The following USH2A variants were observed in gnomAD, a reference collection of about 807,000 sequenced individuals.
The protein encoded by USH2A is Usher syndrome 2A (autosomal recessive, mild).
In USH2A, 443 loss-of-function variants were observed where a neutral mutation model predicts 538.9. The ratio of observed to expected loss-of-function variants is 0.82; its 90% confidence interval spans 0.76 to 0.89. USH2A has a LOEUF of 0.89. USH2A is among the 40% of genes least tolerant of loss of function. The pLI is 0.00. For synonymous variants in USH2A, 2,413 were observed against 2,273.5 expected, an observed-to-expected ratio of 1.06 and a Z score of -1.75; for missense variants, 6,633 against 6,324.8, an observed-to-expected ratio of 1.05 and a Z score of -1.65.
chr1:216,123,296 AGTT>A (rs2033173281), intron 21 of USH2A, among the ~76,000 whole-genome samples: 1 of 152,236 alleles, frequency 6.6e-6, no homozygotes, highest in Admixed American at 6.5e-5. Flanking sequence ...GTAAAGAGTA[AGTT>A]GTTGTTTAAA....
Position 216,046,577 on chromosome 1 carries a change from T to G in USH2A, c.6179A>C (p.Gln2060Pro). Residue 2060 changes from glutamine to proline, a missense_variant, in exon 32 of 72, where the codon CAG (glutamine) becomes CCG (proline). Physicochemically the swap from Gln to Pro is moderately conservative, Grantham distance 76 (BLOSUM62 -1). Transcript: ENST00000307340. ...STPQEAPQEV[Q>P]PPVAKSLPSS... ...GGGAAGGGATTTGGCTACTGGTGGCTGAACCTCTTGTGGGGCTGTGGAAGA... is the reference window on the plus strand; with the variant it reads ...GGGAAGGGATTTGGCTACTGGTGGCGGAACCTCTTGTGGGGCTGTGGAAGA... 6.2e-7 allele frequency: 1 copy of G among 1,613,854 alleles called. No individual in the cohort carries two copies. Among genetic ancestry groups the G allele is most frequent in the Non-Finnish European group, 8.5e-7 (1 of 1,179,756 alleles).
At position 216,097,068 on chromosome 1, in the gene USH2A, T is replaced by C. The variant is rs545979277; in HGVS notation, c.4758+15A>G. ...AAATTCTTAAAAATATTAAAGTTTATGATTTCTCATTTACCTGAGGATCAA... is the reference window on the plus strand; with the variant it reads ...AAATTCTTAAAAATATTAAAGTTTACGATTTCTCATTTACCTGAGGATCAA... On this transcript the variant is annotated intron_variant, in intron 22 of 71. Transcript: ENST00000307340. The C allele has an allele frequency of 6.5e-5, 105 of 1,610,754 alleles. 1 individual carries two copies. The South Asian group carries it at 9.4e-4, about 14-fold the overall frequency.
intron 32 of USH2A, among the ~76,000 whole-genome samples, chr1:216,028,751 A>C (rs959412006): frequency 6.6e-6 from 1 of 152,126 alleles, no homozygotes; most frequent in African/African-American, 2.4e-5. Context: ...ATATCATTTT[A>C]AATAATGCAT....
intron 21 of USH2A, among the ~76,000 whole-genome samples, chr1:216,130,024 G>T (rs894494363): frequency 6.6e-6 from 1 of 151,996 alleles, no homozygotes; most frequent in Admixed American, 6.6e-5. Flanking sequence ...AATAAAACTA[G>T]AATGCTATCT....
At chr1:215,935,821 A>C (rs1398816618) in intron 37 of USH2A, among the ~76,000 whole-genome samples, 1 of 151,982 alleles carries the variant, frequency 6.6e-6, no homozygotes, top group African/African-American at 2.4e-5. Flanking sequence ...AGAAAAATGA[A>C]TGATTAAGAG....
Position 216,246,585 on chromosome 1 carries a change from C to T in USH2A, c.2809G>A (p.Gly937Ser). ...QGRRCNQCQP[G>S]FYISPGNATG... ...AAAATGTAATACATTTCTTTCTTAC[C>T]TGGTTGACACTGATTACACCTTCTT... The change falls in exon 13 of 72, where the codon GGT becomes AGT. Residue 937 changes from glycine to serine, a missense_variant and splice_region_variant. By Grantham distance (56) the Gly-to-Ser change is moderately conservative. Coordinates refer to ENST00000307340, the MANE Select transcript of USH2A (RefSeq NM_206933.4). 6.2e-7 allele frequency: 1 copy of T among 1,613,952 alleles called. No individual in the cohort carries two copies.
At chr1:215,710,581 G>T (rs1253907694) in intron 61 of USH2A, among the ~76,000 whole-genome samples, 1 of 152,068 alleles carries the variant, frequency 6.6e-6, no homozygotes, top group Non-Finnish European at 1.5e-5. Context: ...AAAGGAAAGG[G>T]TCCTACGGCT....
intron 3 of USH2A, among the ~76,000 whole-genome samples, chr1:216,409,788 G>A (rs1048973460): frequency 6.6e-6 from 1 of 152,074 alleles, no homozygotes; most frequent in Admixed American, 6.6e-5. Flanking sequence ...AGACAATCTA[G>A]GCAATAGCAT....
intron 65 of USH2A, among the ~76,000 whole-genome samples, chr1:215,649,658 CT>C (rs1355230379): frequency 3.9e-5 from 6 of 152,180 alleles, no homozygotes; most frequent in African/African-American, 1.4e-4. Flanking sequence ...TGTAAGTTAT[CT>C]GTTGAAATTG....
chr1:215,843,851 A>G (rs888830516), intron 46 of USH2A, among the ~76,000 whole-genome samples: 1 of 152,140 alleles, frequency 6.6e-6, no homozygotes, highest in African/African-American at 2.4e-5. Context: ...TGCGCTTACA[A>G]AAGAGGAAAT....
At chr1:216,229,456 C>G (rs1044962169) in intron 14 of USH2A, among the ~76,000 whole-genome samples, 4 of 152,018 alleles carry the variant, frequency 2.6e-5, no homozygotes, top group African/African-American at 9.7e-5. Flanking sequence ...GCTGGGACTA[C>G]AGGCAAGAGC....
At chr1:215,885,741 T>G (rs1252844903) in intron 41 of USH2A, among the ~76,000 whole-genome samples, 1 of 152,210 alleles carries the variant, frequency 6.6e-6, no homozygotes, top group East Asian at 1.9e-4. Flanking sequence ...AGCCTAAGTA[T>G]GTGTTGTCTC....
chr1:216,282,476 A>G (rs886602293), intron 11 of USH2A, among the ~76,000 whole-genome samples: 3 of 152,232 alleles, frequency 2.0e-5, no homozygotes, highest in Admixed American at 2.0e-4. Context: ...CCATTTGTTA[A>G]AACGACTACA....
intron 44 of USH2A, among the ~76,000 whole-genome samples, chr1:215,859,090 G>A (rs1280701003): frequency 1.3e-5 from 2 of 152,124 alleles, no homozygotes; most frequent in African/African-American, 4.8e-5. Flanking sequence ...GAGCAAGCGA[G>A]CCTGTGTGCT....
chr1:215,774,755 G>C (rs1320911170), intron 55 of USH2A, among the ~76,000 whole-genome samples: 2 of 151,962 alleles, frequency 1.3e-5, no homozygotes, highest in African/African-American at 4.8e-5. Context: ...CTAGTATCTG[G>C]CAAAGTACAT....
intron 58 of USH2A, among the ~76,000 whole-genome samples, chr1:215,748,039 CCG>C (rs1421976955): frequency 5.3e-5 from 8 of 151,848 alleles, no homozygotes; most frequent in African/African-American, 1.2e-4. Context: ...CTACAGGCGC[CCG>C]CCACCGCGCC....
At chr1:215,871,915 T>C (rs1558137532) in intron 43 of USH2A, among the ~76,000 whole-genome samples, 1 of 152,224 alleles carries the variant, frequency 6.6e-6, no homozygotes, top group East Asian at 1.9e-4. Context: ...TGGAAGGGAC[T>C]GATATATTGT....
rs2039689429 is a variant in USH2A at position 216,422,165 on chromosome 1, A to G, written c.172T>C (p.Cys58Arg). ...KVSIVPTQAVCGLPDRSTFCH... is the reference protein window; with the variant it reads ...KVSIVPTQAVRGLPDRSTFCH... Reference sequence around the variant, plus strand: ...AAAGTGCTTCGGTCTGGGAGTCCACATACTGCTTGGGTTGGCACGATGGAA... The same window carrying G: ...AAAGTGCTTCGGTCTGGGAGTCCACGTACTGCTTGGGTTGGCACGATGGAA... The change falls in exon 2 of 72, where the codon TGT becomes CGT. Residue 58 changes from cysteine to arginine, a missense_variant. By Grantham distance (180) the Cys-to-Arg change is radical (BLOSUM62 -3). Coordinates refer to ENST00000307340, the MANE Select transcript of USH2A (RefSeq NM_206933.4). 6.2e-7 allele frequency: 1 copy of G among 1,613,646 alleles called. No individual in the cohort carries two copies. The highest frequency in any genetic ancestry group is 1.3e-5 in the African/African-American group (1 of 74,896).
intron 44 of USH2A, among the ~76,000 whole-genome samples, chr1:215,848,772 C>A (rs1663932418): frequency 6.6e-6 from 1 of 152,154 alleles, no homozygotes; most frequent in Non-Finnish European, 1.5e-5. Context: ...ACTTGGAAGT[C>A]CAAAACATAG....
Sources: allele counts gnomAD v4.1 joint callset (sites outside exome capture counted in the v4.1 genomes callset), GRCh38; gene constraint gnomAD v4.1.1; transcripts MANE v1.5; gene names NCBI Gene and HGNC (gene_info 2026-07-23, HGNC 2026-07-21).